Variants in LIPG observed in about 807,000 individuals in gnomAD.
LIPG encodes the protein lipase G, endothelial type, also known as endothelial lipase.
LIPG carries 34 observed loss-of-function variants against 51.8 expected under a neutral mutation model. That is an observed-to-expected ratio of 0.66 (90% confidence interval 0.50 to 0.87). The LOEUF (loss-of-function observed/expected upper bound fraction) is 0.87, where lower values mean the gene tolerates loss of function less well. Ranked by LOEUF, LIPG falls within the 40% of genes least tolerant of loss-of-function variation. LIPG has a pLI of 0.00. For missense variants in LIPG, 580 were observed against 652.7 expected (o/e 0.89, Z 1.21); for synonymous variants, 246 against 246.1 (o/e 1.00, Z 0.00).
At chr18:49,566,443 C>A (rs1458152067) in intron 2 of LIPG, among the ~76,000 whole-genome samples, 1 of 152,154 alleles carries the variant, frequency 6.6e-6, no homozygotes, top group Admixed American at 6.6e-5. Context: ...CTGTTTGGAA[C>A]TTGGAACAGC....
chr18:49,582,539 T>C (rs1024685287), intron 7 of LIPG, 57 bp downstream of exon 7: 8 of 1,609,566 alleles, frequency 5.0e-6, no homozygotes, highest in Non-Finnish European at 6.8e-6. Context: ...GGTTTGAGAA[T>C]GAGAGAGCAC....
chr18:49,590,536 AGTCTT>A lies in LIPG; in HGVS notation c.*16_*20del, dbSNP rs1166765078. ...GAGCTTCCCTGAGGGTGCCCGGGCAAGTCTTGCCAGCAAGGCAGCAAGACTTCCTG... is the reference window on the plus strand; with the variant it reads ...GAGCTTCCCTGAGGGTGCCCGGGCAAGCCAGCAAGGCAGCAAGACTTCCTG... On this transcript the variant is annotated 3_prime_UTR_variant, in exon 10 of 10. Coordinates refer to ENST00000261292, the MANE Select transcript of LIPG (RefSeq NM_006033.4). 2 of 1,595,622 alleles carry A rather than the reference AGTCTT, an allele frequency of 1.3e-6. No homozygotes were observed. The highest frequency in any genetic ancestry group is 1.7e-6 in the Non-Finnish European group (2 of 1,169,372).
chr18:49,588,653 G>GA (rs1225912026), intron 9 of LIPG, among the ~76,000 whole-genome samples: 1 of 152,096 alleles, frequency 6.6e-6, no homozygotes, highest in Non-Finnish European at 1.5e-5. Context: ...GGAGCTAAGT[G>GA]AGACAGAGGG....
At chr18:49,577,036 T>A (rs893008126) in intron 5 of LIPG, among the ~76,000 whole-genome samples, 2 of 151,746 alleles carry the variant, frequency 1.3e-5, no homozygotes, top group African/African-American at 2.4e-5. Context: ...ATTTTTTTTT[T>A]ATTGATAATT....
chr18:49,581,811 G>A, intron 6 of LIPG, 154 bp downstream of exon 6: 2 of 943,088 alleles, frequency 2.1e-6, no homozygotes, highest in South Asian at 1.4e-5. Flanking sequence ...GCATGTCCTA[G>A]GAAAGGGAAT....
Position 49,594,877 on chromosome 18 carries a change from A to G in LIPG, c.*4355A>G, listed in dbSNP as rs1327912543. The G allele has an allele frequency of 1.3e-5, 2 of 152,236 alleles. No individual in the cohort carries two copies. Among genetic ancestry groups the G allele is most frequent in the Non-Finnish European group, 1.5e-5 (1 of 68,050 alleles). The allele number at this position is 152,236 out of a possible 1,614,324, so 9.4% of individuals were successfully genotyped here. ...TTCAGATGTCAGAGGAAAGCAGAAAATGGTGTCTCTGGCATAGTAAAGAAA... is the reference window on the plus strand; with the variant it reads ...TTCAGATGTCAGAGGAAAGCAGAAAGTGGTGTCTCTGGCATAGTAAAGAAA... On this transcript the variant is annotated 3_prime_UTR_variant, in exon 10 of 10. Coordinates refer to ENST00000261292, the MANE Select transcript of LIPG (RefSeq NM_006033.4).
intron 1 of LIPG, among the ~76,000 whole-genome samples, chr18:49,564,330 T>C (rs2084580544): frequency 6.6e-6 from 1 of 152,198 alleles, no homozygotes; most frequent in African/African-American, 2.4e-5. Context: ...GAAAGAGTGC[T>C]GGGTGGGGTC....
At chr18:49,587,387 A>G (rs1395511232) in intron 9 of LIPG, among the ~76,000 whole-genome samples, 1 of 151,764 alleles carries the variant, frequency 6.6e-6, no homozygotes, top group African/African-American at 2.4e-5. Context: ...TGGCTAACAC[A>G]GTGAAACCTC....
At chr18:49,582,110 C>T (rs1233309864) in intron 6 of LIPG, among the ~76,000 whole-genome samples, 2 of 152,106 alleles carry the variant, frequency 1.3e-5, no homozygotes, top group Non-Finnish European at 2.9e-5. Flanking sequence ...GTCCTTAATC[C>T]AGGGGCACGT....
At chr18:49,586,407 T>A (rs111686099) in intron 8 of LIPG, among the ~76,000 whole-genome samples, 90 of 152,356 alleles carry the variant, frequency 5.9e-4, no homozygotes, top group Middle Eastern at 3.4e-3. Context: ...TGTAACCAGT[T>A]TAAAGGCCAA....
At chr18:49,584,012 G>A (rs1156339191) in intron 8 of LIPG, among the ~76,000 whole-genome samples, 1 of 152,222 alleles carries the variant, frequency 6.6e-6, no homozygotes, top group African/African-American at 2.4e-5. Context: ...AGTGGAGGCA[G>A]TAATTCAGCC....
At chr18:49,562,527 T>TTC (rs2084561862) in intron 1 of LIPG, 122 bp downstream of exon 1, 3 of 858,892 alleles carry the variant, frequency 3.5e-6, no homozygotes, top group Admixed American at 4.0e-5. Flanking sequence ...GCGCTGCCCA[T>TTC]TCTCTCCTCC....
intron 5 of LIPG, among the ~76,000 whole-genome samples, chr18:49,577,834 G>T (rs1161575723): frequency 8.5e-6 from 1 of 117,828 alleles, no homozygotes; most frequent in Admixed American, 7.5e-5. Context: ...GCGGCTGGCC[G>T]GGTGGGGGGG....
rs926341979 is a variant in LIPG at position 49,581,692 on chromosome 18, G to A, written c.1036+35G>A. ...AGTCCCTGGAGTGTCCCTGAGGAAG[G>A]CCCTTAATACCTCCTTCTTAATACC... On this transcript the variant is annotated intron_variant, in intron 6 of 9. Transcript: ENST00000261292. 10 of 1,607,230 alleles carry A rather than the reference G, an allele frequency of 6.2e-6. No homozygotes were observed. The African/African-American group carries it at 8.0e-5, about 13-fold the overall frequency.
At position 49,599,058 on chromosome 18, in the gene LIPG, T is replaced by C. The variant is rs1371056692; in HGVS notation, c.*8536T>C. ...CAGTTTTGAGTTATTAGAGTAATGC[T>C]ACTATGAACATTTGCATATGAATCC... On this transcript the variant is annotated 3_prime_UTR_variant, in exon 10 of 10. Transcript: ENST00000261292. The C allele has an allele frequency of 6.6e-6, 1 of 152,260 alleles. No individual in the cohort carries two copies. The highest frequency in any genetic ancestry group is 2.4e-5 in the African/African-American group (1 of 41,466). The allele number at this position is 152,260 out of a possible 1,614,324, so 9.4% of individuals were successfully genotyped here.
chr18:49,571,582 A>G (rs2084664005), intron 4 of LIPG, among the ~76,000 whole-genome samples: 1 of 152,172 alleles, frequency 6.6e-6, no homozygotes. Context: ...GCCTCTGTCC[A>G]GTTGCCAAGC....
rs769890697 is a variant in LIPG at position 49,582,350 on chromosome 18, C to A, written c.1037-12C>A. The A allele has an allele frequency of 6.2e-7, 1 of 1,614,146 alleles. No individual in the cohort carries two copies. Among genetic ancestry groups the A allele is most frequent in the Non-Finnish European group, 8.5e-7 (1 of 1,180,018 alleles). On this transcript the variant is annotated splice_polypyrimidine_tract_variant and intron_variant, in intron 6 of 9. Coordinates refer to ENST00000261292, the MANE Select transcript of LIPG (RefSeq NM_006033.4). ...AAGGGTTACAAGCATCTTTGTTCTG[C>A]TGTCACTGCAGTTTACCATTATCAG... is the stretch of plus-strand genomic sequence containing the variant.
At chr18:49,561,901 A>G, upstream of LIPG, 1 of 1,329,410 alleles carries the variant, frequency 7.5e-7, no homozygotes, top group Non-Finnish European at 9.6e-7. Context: ...GTGAGTGTGC[A>G]GCGCTTTCAT....
In LIPG at chr18:49,598,949, T is replaced by A. The variant is rs900269649; in HGVS notation, c.*8427T>A. On this transcript the variant is annotated 3_prime_UTR_variant, in exon 10 of 10. Transcript: ENST00000261292. ...TTGCATGGATCAGTCATCTGTTCCA[T>A]TTTATTGCTAAGCAGTATTCCACTG... The A allele has an allele frequency of 3.3e-5, 5 of 152,268 alleles. No homozygotes were observed. The highest frequency in any genetic ancestry group is 1.2e-4 in the African/African-American group (5 of 41,476). 9.4% of individuals were successfully genotyped at this position (152,268 alleles called of 1,614,324 possible). A position where few individuals can be genotyped will look rare whatever the true frequency, so the allele number is the denominator to read the frequency against.
Sources: allele counts gnomAD v4.1 joint callset (sites outside exome capture counted in the v4.1 genomes callset), GRCh38; gene constraint gnomAD v4.1.1; transcripts MANE v1.5; gene names NCBI Gene and HGNC (gene_info 2026-07-23, HGNC 2026-07-21).